The following DNAJC17 variants were observed in gnomAD, a reference collection of about 807,000 sequenced individuals.
DNAJC17 encodes the protein dnaJ homolog subfamily C member 17.
DNAJC17 carries 35 observed loss-of-function variants against 48.1 expected under a neutral mutation model. The ratio of observed to expected loss-of-function variants is 0.73; its 90% CI spans 0.56 to 0.96. The LOEUF is 0.96. Ranked by LOEUF, DNAJC17 falls within the 50% of genes least tolerant of loss-of-function variation. The pLI is 0.00. For missense variants in DNAJC17, 355 were observed against 377.1 expected, an observed-to-expected ratio of 0.94 and a Z score of 0.48; for synonymous variants, 117 against 142.7, an observed-to-expected ratio of 0.82 and a Z score of 1.28.
chr15:40,790,702 C>G (rs1889776438), intron 1 of DNAJC17, among the ~76,000 whole-genome samples: 1 of 152,176 alleles, frequency 6.6e-6, no homozygotes, highest in African/African-American at 2.4e-5. Context: ...AGTCCTTGAC[C>G]ACCTCACAGG....
At chr15:40,800,481 TTTTC>T (rs1440408803) in intron 1 of DNAJC17, among the ~76,000 whole-genome samples, 2 of 151,738 alleles carry the variant, frequency 1.3e-5, no homozygotes, top group African/African-American at 2.4e-5. Flanking sequence ...GAGATTGTCT[TTTTC>T]TTTTTTTTTT....
intron 1 of DNAJC17, among the ~76,000 whole-genome samples, chr15:40,789,903 CAAAAAAA>C (rs71428311): frequency 2.3e-3 from 46 of 20,012 alleles, no homozygotes; most frequent in South Asian, 7.2e-3. Context: ...CAGACTGTCT[CAAAAAAA>C]AAAAAAAAAA....
chr15:40,780,116 C>A (rs1417329942), intron 1 of DNAJC17, 119 bp from the exon 2 acceptor site: 1 of 957,120 alleles, frequency 1.0e-6, no homozygotes, highest in East Asian at 2.6e-5. Flanking sequence ...TGCTGGCGCC[C>A]ACTTCCTAGC....
At chr15:40,785,314 T>C (rs190775801) in intron 1 of DNAJC17, among the ~76,000 whole-genome samples, 232 of 152,298 alleles carry the variant, frequency 1.5e-3, no homozygotes, top group Admixed American at 4.5e-3. Flanking sequence ...CAAAATTGTT[T>C]AGCTTCTTTC....
chr15:40,784,813 C>G (rs1325693760), intron 1 of DNAJC17, among the ~76,000 whole-genome samples: 1 of 152,122 alleles, frequency 6.6e-6, no homozygotes, highest in Non-Finnish European at 1.5e-5. Context: ...AAAAATATCT[C>G]TGGGCCGGGC....
chr15:40,797,010 T>A (rs1226298547), intron 1 of DNAJC17, among the ~76,000 whole-genome samples: 1 of 152,022 alleles, frequency 6.6e-6, no homozygotes, highest in East Asian at 1.9e-4. Flanking sequence ...CAAGCAATCC[T>A]CCTGCCTCAG....
chr15:40,786,631 G>A (rs1008953043), intron 1 of DNAJC17, among the ~76,000 whole-genome samples: 1 of 152,108 alleles, frequency 6.6e-6, no homozygotes, highest in Non-Finnish European at 1.5e-5. Context: ...AAATCCCCTG[G>A]TCTCTCTAGC....
At chr15:40,787,403 G>C (rs898338666) in intron 1 of DNAJC17, among the ~76,000 whole-genome samples, 1 of 152,154 alleles carries the variant, frequency 6.6e-6, no homozygotes, top group African/African-American at 2.4e-5. Context: ...AATTACTTCA[G>C]ACCCACTGAG....
chr15:40,775,203 T>C, intron 7 of DNAJC17, 95 bp from the exon 8 acceptor site: 1 of 1,317,580 alleles, frequency 7.6e-7, no homozygotes, highest in Non-Finnish European at 1.1e-6. Flanking sequence ...CCTCCCACCC[T>C]CCAAGCCTCC....
rs1343034377 is a variant in DNAJC17, at chr15:40,768,506, ACT to A, written c.793-446_793-445del. Among the ~76,000 whole-genome samples the A allele has an allele frequency of 2.6e-5, 4 of 152,086 alleles. No homozygotes were observed. In the East Asian group the frequency reaches 5.8e-4, roughly 22 times the overall value. On this transcript the variant is annotated intron_variant, in intron 10 of 10. Coordinates refer to ENST00000220496, the MANE Select transcript of DNAJC17 (RefSeq NM_018163.3). Reference sequence around the variant, plus strand: ...GGCTCTGCTGGGCACTGACCCTGGCACTCTCTATGCCCGGTGCCCTGTGGTCT... The same window carrying A: ...GGCTCTGCTGGGCACTGACCCTGGCACTCTATGCCCGGTGCCCTGTGGTCT...
chr15:40,795,879 G>A (rs76014869), intron 1 of DNAJC17, among the ~76,000 whole-genome samples: 2,192 of 152,284 alleles, frequency 0.014, 31 homozygotes, highest in Middle Eastern at 0.051. Context: ...GCGACAGAGT[G>A]AGACTCTGTC....
chr15:40,776,526 G>A lies in DNAJC17; in HGVS notation c.381+16C>T. The stretch of plus-strand genomic sequence containing the variant: ...TCCTGCAGGTGGCCTTCTGGCCAGT[G>A]TGCCTGAGTGCTCACCTCTTGCTCT... On this transcript the variant is annotated intron_variant, in intron 5 of 10. Coordinates refer to ENST00000220496, the MANE Select transcript of DNAJC17 (RefSeq NM_018163.3). The A allele has an allele frequency of 2.5e-6, 4 of 1,613,740 alleles. No homozygotes were observed. Among genetic ancestry groups the A allele is most frequent in the Non-Finnish European group, 3.4e-6 (4 of 1,179,940 alleles).
intron 1 of DNAJC17, among the ~76,000 whole-genome samples, chr15:40,792,855 G>C (rs530340500): frequency 6.8e-4 from 102 of 150,066 alleles, no homozygotes; most frequent in African/African-American, 2.3e-3. Context: ...CCATTCTCCA[G>C]TCTACAAAAT....
intron 7 of DNAJC17, 197 bp from the exon 8 acceptor site, chr15:40,775,305 C>T (rs1047722948): frequency 1.2e-4 from 82 of 703,590 alleles, no homozygotes; most frequent in South Asian, 1.1e-3. Flanking sequence ...GGACGCTTCC[C>T]GCCCAGAAGA....
rs1181362749 is a variant in DNAJC17, at chr15:40,768,098, A to G, written c.793-36T>C. The G allele has an allele frequency of 2.0e-6, 3 of 1,505,810 alleles. No homozygotes were observed. The East Asian group carries it at 7.1e-5, about 36-fold the overall frequency. The allele number at this position is 1,505,810 out of a possible 1,614,324, so 93.3% of individuals were successfully genotyped here. On this transcript the variant is annotated intron_variant, in intron 10 of 10. Coordinates refer to ENST00000220496, the MANE Select transcript of DNAJC17 (RefSeq NM_018163.3). ...GGGCAGGGACAGGGAGGGGTCAGGG[A>G]CAGCAGGGCACAGCCTCACAGACTC...
intron 1 of DNAJC17, among the ~76,000 whole-genome samples, chr15:40,793,559 C>G (rs1003355033): frequency 6.6e-6 from 1 of 152,098 alleles, no homozygotes; most frequent in East Asian, 1.9e-4. Flanking sequence ...TTGAGAATCA[C>G]TGATTTGCTG....
intron 1 of DNAJC17, among the ~76,000 whole-genome samples, chr15:40,800,003 T>G (rs1056349130): frequency 4.0e-5 from 6 of 151,634 alleles, no homozygotes; most frequent in Admixed American, 6.6e-5. Context: ...GGTTTTTTTT[T>G]TGTTGTTGTT....
In DNAJC17 at chr15:40,765,590, T is replaced by G. The variant is rs182571870; in HGVS notation, c.*2350A>C. 5.6e-4 allele frequency: 189 copies of G among 338,724 alleles called. No individual in the cohort carries two copies. The highest frequency in any genetic ancestry group is 9.1e-4 in the Non-Finnish European group (171 of 188,018). 21.0% of individuals were successfully genotyped at this position (338,724 alleles called of 1,614,324 possible). ...AGCTGGAACTATAGGCTCGTGATAC[T>G]TTGCCTGGCTAAAGCTGAGCTTTAA... On this transcript the variant is annotated 3_prime_UTR_variant, in exon 11 of 11. Transcript: ENST00000220496.
At position 40,807,435 on chromosome 15, in the gene DNAJC17, G is replaced by T. The variant is rs2141970904; in HGVS notation, c.12C>A (p.Thr4=). The part of the protein sequence containing the change: MAV[T]KELLQMDLYA... ...ACAGGTCCATCTGTAAGAGCTCCTT[G>T]GTCACTGCCATGGTTCCGGCCTGAC... is the stretch of plus-strand genomic sequence containing the variant. The change falls in exon 1 of 11, where the codon ACC becomes ACA. Residue 4 remains threonine (T), a synonymous_variant. Coordinates refer to ENST00000220496, the MANE Select transcript of DNAJC17 (RefSeq NM_018163.3). 2 of 1,614,228 alleles carry T rather than the reference G, an allele frequency of 1.2e-6. No homozygotes were observed. Among genetic ancestry groups the T allele is most frequent in the South Asian group, 1.1e-5 (1 of 91,084 alleles).
Sources: allele counts gnomAD v4.1 joint callset (sites outside exome capture counted in the v4.1 genomes callset), GRCh38; gene constraint gnomAD v4.1.1; transcripts MANE v1.5; gene names NCBI Gene and HGNC (gene_info 2026-07-23, HGNC 2026-07-21).